The following GPC3 variants were observed in gnomAD, a reference collection of about 807,000 sequenced individuals.
The protein encoded by GPC3 is glypican 3.
GPC3 carries 3 observed loss-of-function variants against 34.4 expected under a neutral mutation model. The ratio of observed to expected loss-of-function variants is 0.09; its 90% CI spans 0.04 to 0.23. The LOEUF is 0.23. Among genes scored for constraint, GPC3 ranks in the 10% least tolerant of loss-of-function variants. The probability of loss-of-function intolerance (pLI) is 1.00; values close to 1 mark genes in which losing one functional copy is unlikely to be tolerated. For missense variants in GPC3, 351 were observed against 445.6 expected, an observed-to-expected ratio of 0.79 and a Z score of 1.91; for synonymous variants, 177 against 174.0, an observed-to-expected ratio of 1.02 and a Z score of -0.13.
chrX:133,556,071 C>A (rs2069486433), intron 7 of GPC3, among the ~76,000 whole-genome samples: 1 of 111,518 alleles, frequency 9.0e-6, no homozygotes, highest in South Asian at 3.8e-4. Context: ...ACTCTTCTTT[C>A]AATTACCATT....
intron 2 of GPC3, among the ~76,000 whole-genome samples, chrX:133,769,902 T>C (rs1186515722): frequency 1.8e-5 from 2 of 112,391 alleles, no homozygotes; most frequent in Non-Finnish European, 3.8e-5. Context: ...TGTAAGAGCA[T>C]ACATGCAGGG....
At chrX:133,966,621 T>C (rs771258442) in intron 1 of GPC3, among the ~76,000 whole-genome samples, 11 of 112,492 alleles carry the variant, frequency 9.8e-5, no homozygotes, top group Non-Finnish European at 1.9e-4. Context: ...AGTTGCCTTG[T>C]TAGTACAACA....
intron 2 of GPC3, among the ~76,000 whole-genome samples, chrX:133,926,400 T>C (rs1168716584): frequency 8.9e-6 from 1 of 112,047 alleles, no homozygotes; most frequent in East Asian, 2.8e-4. Context: ...TGGTGATGTG[T>C]AAACAACTTA....
At chrX:133,924,592 G>A (rs189214608) in intron 2 of GPC3, among the ~76,000 whole-genome samples, 21 of 111,994 alleles carry the variant, frequency 1.9e-4, no homozygotes, top group Middle Eastern at 4.6e-3. Context: ...ATATGAAGTC[G>A]AAATGGGCAG....
intron 1 of GPC3, among the ~76,000 whole-genome samples, chrX:133,956,974 T>C (rs1029016530): frequency 3.6e-5 from 4 of 111,607 alleles, no homozygotes; most frequent in Non-Finnish European, 5.7e-5. Context: ...CTTCCCTGAG[T>C]TGGCCAAGTC....
chrX:133,985,517 G>A lies in GPC3; in HGVS notation c.-68C>T. ...CGGAGCGAGAGCAGTCCCAGGACTC[G>A]GCAAGCCTGGCAGTGGCCCTGAGGA... is the stretch of plus-strand genomic sequence containing the variant. On this transcript the variant is annotated 5_prime_UTR_variant, in exon 1 of 8. Transcript: ENST00000370818. The A allele has an allele frequency of 9.8e-6, 10 of 1,025,575 alleles. No homozygotes were observed. Among genetic ancestry groups the A allele is most frequent in the Non-Finnish European group, 1.3e-5 (10 of 748,725 alleles). 84.5% of individuals were successfully genotyped at this position (1,025,575 alleles called of 1,213,427 possible). A position where few individuals can be genotyped will look rare whatever the true frequency, so the allele number is the denominator to read the frequency against.
In GPC3 at chrX:133,985,221, C is replaced by T. The variant is rs961844658; in HGVS notation, c.175+54G>A. ...TAGCGCGCTCAGGGTACAGCCACCA[C>T]GCGCGCCTTGCTCCCCGCTGGGCGC... On this transcript the variant is annotated intron_variant, in intron 1 of 7. Coordinates refer to ENST00000370818, the MANE Select transcript of GPC3 (RefSeq NM_004484.4). The T allele has an allele frequency of 7.7e-6, 9 of 1,170,575 alleles. No homozygotes were observed. In the Admixed American group the frequency reaches 2.0e-4, roughly 26 times the overall value.
At chrX:133,624,564 A>G (rs1310518449) in intron 6 of GPC3, among the ~76,000 whole-genome samples, 2 of 112,018 alleles carry the variant, frequency 1.8e-5, no homozygotes, top group African/African-American at 3.2e-5. Context: ...ATCTAGAAGA[A>G]ATGGAAAAAT....
chrX:133,874,702 A>G (rs967262583), intron 2 of GPC3, among the ~76,000 whole-genome samples: 2 of 112,138 alleles, frequency 1.8e-5, no homozygotes, highest in African/African-American at 3.2e-5. Context: ...ACCTTTATGT[A>G]TGACTTCATT....
At chrX:133,868,932 A>T (rs1226025296) in intron 2 of GPC3, among the ~76,000 whole-genome samples, 3 of 112,205 alleles carry the variant, frequency 2.7e-5, no homozygotes, top group African/African-American at 9.7e-5. Context: ...AAGGGGTTTT[A>T]GGGCTAATAA....
At chrX:133,800,483 C>A (rs2075603638) in intron 2 of GPC3, among the ~76,000 whole-genome samples, 1 of 112,021 alleles carries the variant, frequency 8.9e-6, no homozygotes, top group African/African-American at 3.2e-5. Flanking sequence ...ATCAAGCATG[C>A]ACAACTCTGA....
At chrX:133,730,051 T>C (rs1368984311) in intron 3 of GPC3, among the ~76,000 whole-genome samples, 1 of 112,338 alleles carries the variant, frequency 8.9e-6, no homozygotes, top group Non-Finnish European at 1.9e-5. Flanking sequence ...ATTTCCATTA[T>C]AAAGACAATT....
At chrX:133,823,156 A>C (rs1179160721) in intron 2 of GPC3, among the ~76,000 whole-genome samples, 10 of 102,565 alleles carry the variant, frequency 9.7e-5, no homozygotes, top group South Asian at 4.4e-4. Context: ...AAAAAAAAAA[A>C]AAAAAAAAAA....
At chrX:133,767,243 G>C (rs2071857377) in intron 2 of GPC3, among the ~76,000 whole-genome samples, 1 of 111,971 alleles carries the variant, frequency 8.9e-6, no homozygotes, top group Non-Finnish European at 1.9e-5. Flanking sequence ...ACTTGGGTAA[G>C]ATGTGATGAA....
Position 133,690,874 on chromosome X carries a change from C to T in GPC3, c.1292+1495G>A, listed in dbSNP as rs142715399. ...GATTTTGGGTCTCTTCTGTATTCTC[C>T]TCTATAACATGCTACTTGTACAAAC... On this transcript the variant is annotated intron_variant, in intron 5 of 7. Coordinates refer to ENST00000370818, the MANE Select transcript of GPC3 (RefSeq NM_004484.4). Among the ~76,000 whole-genome samples, 5 of 111,644 alleles carry T rather than the reference C, an allele frequency of 4.5e-5. No individual in the cohort carries two copies. The East Asian group carries it at 1.4e-3, about 32-fold the overall frequency.
intron 1 of GPC3, among the ~76,000 whole-genome samples, chrX:133,964,587 T>C (rs770080820): frequency 5.4e-5 from 6 of 111,867 alleles, no homozygotes; most frequent in Admixed American, 1.9e-4. Flanking sequence ...CAGAAACATT[T>C]AGGTCAGGTA....
intron 3 of GPC3, among the ~76,000 whole-genome samples, chrX:133,717,130 T>C (rs1275667867): frequency 1.8e-5 from 2 of 109,853 alleles, no homozygotes; most frequent in Admixed American, 1.9e-4. Flanking sequence ...ATCGGCTAAT[T>C]TTTGTATTTT....
chrX:133,679,121 C>A (rs760992889), intron 5 of GPC3, among the ~76,000 whole-genome samples: 112 of 111,851 alleles, frequency 1.0e-3, no homozygotes, highest in African/African-American at 3.6e-3. Flanking sequence ...AAATAAAATT[C>A]ATGGGGATAG....
At chrX:133,734,719 T>C (rs2071494041) in intron 3 of GPC3, among the ~76,000 whole-genome samples, 2 of 106,871 alleles carry the variant, frequency 1.9e-5, no homozygotes, top group African/African-American at 6.7e-5. Flanking sequence ...AGACTGACAA[T>C]CTCTCTCTCT....
Sources: allele counts gnomAD v4.1 joint callset (sites outside exome capture counted in the v4.1 genomes callset), GRCh38; gene constraint gnomAD v4.1.1; transcripts MANE v1.5; gene names NCBI Gene and HGNC (gene_info 2026-07-23, HGNC 2026-07-21).